The following SLC22A4 variants were observed in gnomAD, a reference collection of about 807,000 sequenced individuals.
The protein encoded by SLC22A4 is ET transporter.
In SLC22A4, 39 loss-of-function variants were observed where a neutral mutation model predicts 56.6. The observed-to-expected ratio is 0.69, with a 90% CI of 0.53 to 0.90. The LOEUF (loss-of-function observed/expected upper bound fraction) is 0.90, where lower values mean the gene tolerates loss of function less well. Ranked by LOEUF, SLC22A4 falls within the 40% of genes least tolerant of loss-of-function variation. SLC22A4 has a pLI of 0.00. For synonymous variants in SLC22A4, 241 were observed against 281.4 expected (o/e 0.86, Z 1.44); for missense variants, 594 against 696.5 (o/e 0.85, Z 1.66).
chr5:132,306,163 C>G (rs1469235986), intron 1 of SLC22A4, among the ~76,000 whole-genome samples: 2 of 151,806 alleles, frequency 1.3e-5, no homozygotes, highest in Admixed American at 1.3e-4. Flanking sequence ...CTTTGGAAAG[C>G]AGATTAGGAG....
At position 132,343,123 on chromosome 5, in the gene SLC22A4, G is replaced by C. The variant is rs532366502; in HGVS notation, c.1581-637G>C. On this transcript the variant is annotated intron_variant, in intron 9 of 9. Coordinates refer to ENST00000200652, the MANE Select transcript of SLC22A4 (RefSeq NM_003059.3). ...AAGAGATTTAGGATCTCTATGTTAG[G>C]AGCCAGGGACAAAGACCAGTATCTT... Among the ~76,000 whole-genome samples, 4 of 152,268 alleles carry C rather than the reference G, an allele frequency of 2.6e-5. No homozygotes were observed. The South Asian group carries it at 8.3e-4, about 32-fold the overall frequency.
chr5:132,318,935 G>A (rs1750441726), intron 3 of SLC22A4, among the ~76,000 whole-genome samples: 1 of 152,160 alleles, frequency 6.6e-6, no homozygotes, highest in Admixed American at 6.5e-5. Flanking sequence ...CACATGGAAA[G>A]CTCATGGCAG....
intron 4 of SLC22A4, 127 bp downstream of exon 4, chr5:132,322,482 C>A: frequency 2.2e-6 from 2 of 900,850 alleles, no homozygotes; most frequent in Non-Finnish European, 3.5e-6. Context: ...GGCCAGCTTC[C>A]AAGCCGGGAG....
At chr5:132,339,066 A>G (rs891264534) in intron 8 of SLC22A4, among the ~76,000 whole-genome samples, 1 of 152,234 alleles carries the variant, frequency 6.6e-6, no homozygotes, top group Admixed American at 6.5e-5. Context: ...TGGGGAACTA[A>G]TAAATGTCCA....
intron 1 of SLC22A4, among the ~76,000 whole-genome samples, chr5:132,302,652 T>G (rs1749931509): frequency 6.6e-6 from 1 of 152,216 alleles, no homozygotes; most frequent in Admixed American, 6.5e-5. Context: ...CTTCCAGAGC[T>G]TCCCCTCAGT....
chr5:132,307,851 G>A (rs1028373096), intron 1 of SLC22A4, among the ~76,000 whole-genome samples: 5 of 151,986 alleles, frequency 3.3e-5, no homozygotes, highest in Admixed American at 6.6e-5. Context: ...TATCTTTATG[G>A]TCCTTTATAG....
intron 5 of SLC22A4, among the ~76,000 whole-genome samples, chr5:132,328,895 GTGTA>G (rs1381246992): frequency 8.5e-5 from 8 of 93,696 alleles, no homozygotes; most frequent in African/African-American, 4.1e-4. Flanking sequence ...ATATATATGT[GTGTA>G]TGTGTATATA....
At chr5:132,332,051 C>G in intron 6 of SLC22A4, 1 of 540,584 alleles carries the variant, frequency 1.8e-6, no homozygotes, top group Non-Finnish European at 3.4e-6. Flanking sequence ...CAATGGCTTA[C>G]GCCTGTAATT....
chr5:132,311,753 C>A (rs1750186793), intron 1 of SLC22A4: 1 of 278,718 alleles, frequency 3.6e-6, no homozygotes, highest in South Asian at 4.0e-5. Context: ...TCTGCCCTGC[C>A]CTTTGGGCTT....
At chr5:132,304,343 G>A (rs1409247080) in intron 1 of SLC22A4, among the ~76,000 whole-genome samples, 3 of 152,216 alleles carry the variant, frequency 2.0e-5, no homozygotes, top group African/African-American at 7.2e-5. Context: ...TCAGACTGGC[G>A]TGGTGGCTCA....
At chr5:132,342,613 A>G (rs1006801442) in intron 9 of SLC22A4, among the ~76,000 whole-genome samples, 1 of 152,152 alleles carries the variant, frequency 6.6e-6, no homozygotes, top group Non-Finnish European at 1.5e-5. Context: ...GGTTACCCAC[A>G]TTTCTCTCTG....
At chr5:132,327,524 G>A in intron 5 of SLC22A4, 121 bp downstream of exon 5, 1 of 773,118 alleles carries the variant, frequency 1.3e-6, no homozygotes, top group Non-Finnish European at 2.2e-6. Flanking sequence ...TAGGCCTTAG[G>A]AACACAATCA....
At chr5:132,315,469 G>C (rs1432082725) in intron 3 of SLC22A4, among the ~76,000 whole-genome samples, 1 of 152,124 alleles carries the variant, frequency 6.6e-6, no homozygotes, top group African/African-American at 2.4e-5. Context: ...GGTGATTCTG[G>C]AGCCTCCAAG....
chr5:132,313,755 A>G lies in SLC22A4; in HGVS notation c.639A>G (p.Val213=), dbSNP rs376697042. 3.1e-6 allele frequency: 5 copies of G among 1,614,058 alleles called. No homozygotes were observed. In the African/African-American group the frequency reaches 6.7e-5, roughly 22 times the overall value. ...VGMGQISNYV[V]AFILGTEILG... is the part of the protein sequence containing the mutation. ...TGGGCCAGATCTCCAACTATGTGGT[A>G]GCCTTCATACTAGGTAGGAATGGCT... is the stretch of plus-strand genomic sequence containing the variant. Residue 213 remains valine, a synonymous_variant, in exon 3 of 10, where the codon GTA becomes GTG. Transcript: ENST00000200652.
intron 1 of SLC22A4, among the ~76,000 whole-genome samples, chr5:132,297,790 A>G (rs1749813861): frequency 6.6e-6 from 1 of 152,002 alleles, no homozygotes; most frequent in Admixed American, 6.6e-5. Context: ...ACAAAAAATA[A>G]ATAAAAAATT....
chr5:132,313,486 GT>G (rs1190850243), intron 2 of SLC22A4, 127 bp from the exon 3 acceptor site: 7 of 828,650 alleles, frequency 8.4e-6, no homozygotes, highest in African/African-American at 1.7e-5. Context: ...ATGGGAGGAT[GT>G]GACAGAGAAA....
chr5:132,308,372 ATTTTTTTTTT>A (rs56259514), intron 1 of SLC22A4, among the ~76,000 whole-genome samples: 129 of 61,322 alleles, frequency 2.1e-3, no homozygotes, highest in African/African-American at 3.2e-3. Context: ...TGATTAAGCA[ATTTTTTTTTT>A]TTTTTTTTTT....
intron 3 of SLC22A4, among the ~76,000 whole-genome samples, chr5:132,317,256 G>A (rs1580831322): frequency 6.6e-6 from 1 of 152,204 alleles, no homozygotes; most frequent in East Asian, 1.9e-4. Context: ...ATTCAGTGGT[G>A]TTTAGCATAT....
intron 1 of SLC22A4, 100 bp downstream of exon 1, chr5:132,295,109 C>A: frequency 7.6e-7 from 1 of 1,323,026 alleles, no homozygotes; most frequent in South Asian, 1.3e-5. Flanking sequence ...TCAGCGCTCC[C>A]CTCCCCCTCA....
Sources: allele counts gnomAD v4.1 joint callset (sites outside exome capture counted in the v4.1 genomes callset), GRCh38; gene constraint gnomAD v4.1.1; transcripts MANE v1.5; gene names NCBI Gene and HGNC (gene_info 2026-07-23, HGNC 2026-07-21).